Variants in LSAMP observed in about 807,000 individuals in gnomAD.
LSAMP encodes the protein limbic system associated membrane protein.
Under a neutral mutation model 38.6 loss-of-function variants are expected in LSAMP, and 7 were observed. The observed-to-expected ratio is 0.18, with a 90% confidence interval of 0.10 to 0.34. The LOEUF (loss-of-function observed/expected upper bound fraction) is 0.34. LSAMP is among the 10% of genes least tolerant of loss of function. The probability of loss-of-function intolerance (pLI) is 1.00; values close to 1 mark genes in which losing one functional copy is unlikely to be tolerated. For synonymous variants in LSAMP, 154 were observed against 166.8 expected, an observed-to-expected ratio of 0.92 and a Z score of 0.59; for missense variants, 313 against 420.0, an observed-to-expected ratio of 0.75 and a Z score of 2.23.
In LSAMP at chr3:116,241,208, A is replaced by AT. The variant is rs369541950; in HGVS notation, c.156-154653dup. ...AAAAAAAAAACTTGCAGATATTCCC[A>AT]TTTTTTTTTTCTCTTTTGCTTCCTG... On this transcript the variant is annotated intron_variant, in intron 1 of 6. Transcript: ENST00000490035. Among the ~76,000 whole-genome samples the AT allele has an allele frequency of 1.4e-3, 205 of 143,184 alleles. 1 individual carries two copies. Among genetic ancestry groups the AT allele is most frequent in the African/African-American group, 4.0e-3 (155 of 38,884 alleles). The allele number at this position is 143,184 out of a possible 152,430, so 93.9% of individuals were successfully genotyped here.
intron 3 of LSAMP, among the ~76,000 whole-genome samples, chr3:116,004,784 T>C (rs1405950049): frequency 2.0e-5 from 3 of 152,100 alleles, no homozygotes; most frequent in African/African-American, 7.2e-5. Flanking sequence ...TTTGCTCTTC[T>C]GATAAAACCC....
At chr3:116,233,814 A>G (rs1335050746) in intron 1 of LSAMP, among the ~76,000 whole-genome samples, 1 of 152,170 alleles carries the variant, frequency 6.6e-6, no homozygotes, top group Admixed American at 6.5e-5. Flanking sequence ...GGAATTATTG[A>G]TATCCTGTGA....
At chr3:115,812,860 A>G (rs1303115289) in intron 6 of LSAMP, among the ~76,000 whole-genome samples, 1 of 152,178 alleles carries the variant, frequency 6.6e-6, no homozygotes, top group African/African-American at 2.4e-5. Flanking sequence ...GAAGGTTAAG[A>G]CTAGTCTTAT....
At chr3:116,193,965 G>A (rs894804438) in intron 1 of LSAMP, among the ~76,000 whole-genome samples, 1 of 152,156 alleles carries the variant, frequency 6.6e-6, no homozygotes, top group African/African-American at 2.4e-5. Context: ...TGTGCACAGT[G>A]TTTGCTAAGT....
intron 1 of LSAMP, among the ~76,000 whole-genome samples, chr3:116,166,935 C>T (rs569288224): frequency 5.9e-5 from 9 of 151,708 alleles, no homozygotes; most frequent in East Asian, 5.8e-4. Context: ...GGACTACAGG[C>T]GCCCGCCACC....
intron 1 of LSAMP, among the ~76,000 whole-genome samples, chr3:116,347,367 G>C (rs907041818): frequency 1.3e-5 from 2 of 152,050 alleles, no homozygotes; most frequent in Admixed American, 6.6e-5. Flanking sequence ...AACAAATATT[G>C]GCTCTCACCA....
intron 1 of LSAMP, among the ~76,000 whole-genome samples, chr3:116,372,252 C>CA (rs1225185059): frequency 6.6e-6 from 1 of 151,892 alleles, no homozygotes; most frequent in Non-Finnish European, 1.5e-5. Flanking sequence ...TACAGAGCCC[C>CA]AAAATAAAGC....
In LSAMP at chr3:116,438,825, C is replaced by T. The variant is rs1352414131; in HGVS notation, c.155+6052G>A. On this transcript the variant is annotated intron_variant, in intron 1 of 6. Transcript: ENST00000490035. The stretch of plus-strand genomic sequence containing the variant: ...CTGATCCATATTAAATAAAGTCACC[C>T]CATTTTCCATGGCTCATAAGGATGA... 3.3e-5 allele frequency among the ~76,000 whole-genome samples: 5 copies of T among 152,148 alleles called. No individual in the cohort carries two copies. In the East Asian group the frequency reaches 5.8e-4, roughly 18 times the overall value.
At position 115,967,785 on chromosome 3, in the gene LSAMP, G is replaced by C. The variant is rs181016868; in HGVS notation, c.514+51730C>G. Among the ~76,000 whole-genome samples, 33 of 152,118 alleles carry C rather than the reference G, an allele frequency of 2.2e-4. 1 individual carries two copies. The highest frequency in any genetic ancestry group is 2.1e-3 in the Admixed American group (32 of 15,288). Reference sequence around the variant, plus strand: ...TTTTTAAAACCATTAGATCTCATGAGACTCACTCACTATCACGAGAACAGC... The same window carrying C: ...TTTTTAAAACCATTAGATCTCATGACACTCACTCACTATCACGAGAACAGC... On this transcript the variant is annotated intron_variant, in intron 3 of 6. Coordinates refer to ENST00000490035, the MANE Select transcript of LSAMP (RefSeq NM_002338.5).
chr3:115,936,448 T>C (rs1310440987), intron 3 of LSAMP, among the ~76,000 whole-genome samples: 1 of 152,192 alleles, frequency 6.6e-6, no homozygotes, highest in Non-Finnish European at 1.5e-5. Context: ...TAATCCATTC[T>C]GAAAATGCAG....
intron 3 of LSAMP, among the ~76,000 whole-genome samples, chr3:115,970,350 A>G (rs1938974445): frequency 6.6e-6 from 1 of 152,218 alleles, no homozygotes; most frequent in South Asian, 2.1e-4. Context: ...CAAGCCTTTC[A>G]TCCAGAAAAC....
chr3:116,155,137 C>A (rs1386938883), intron 1 of LSAMP, among the ~76,000 whole-genome samples: 4 of 152,098 alleles, frequency 2.6e-5, no homozygotes, highest in African/African-American at 9.6e-5. Flanking sequence ...TAGTTATAAT[C>A]ATTTATTTCT....
rs62271069 is a variant in LSAMP, at chr3:115,839,278, C to T, written c.919+2567G>A. On this transcript the variant is annotated intron_variant, in intron 6 of 6. Coordinates refer to ENST00000490035, the MANE Select transcript of LSAMP (RefSeq NM_002338.5). ...CCTTCTTTCTTTCCTTCCTTCCTTC[C>T]TTCCTTCCTTCCTTCCTTCCTTCCT... Among the ~76,000 whole-genome samples, 161 of 121,718 alleles carry T rather than the reference C, an allele frequency of 1.3e-3. 4 individuals are homozygous for T. The highest frequency in any genetic ancestry group is 4.8e-3 in the African/African-American group (140 of 29,460). The allele number at this position is 121,718 out of a possible 152,430, so 79.9% of individuals were successfully genotyped here.
chr3:116,056,406 A>T (rs1463064565), intron 2 of LSAMP, among the ~76,000 whole-genome samples: 1 of 152,190 alleles, frequency 6.6e-6, no homozygotes, highest in Non-Finnish European at 1.5e-5. Context: ...AATCTGGTAC[A>T]GACCTACCTA....
At chr3:115,822,617 C>T (rs1336957494) in intron 6 of LSAMP, among the ~76,000 whole-genome samples, 1 of 152,144 alleles carries the variant, frequency 6.6e-6, no homozygotes, top group African/African-American at 2.4e-5. Context: ...GCCTTGGCCT[C>T]CCAAAGAGCT....
chr3:115,941,021 T>C (rs1468743593), intron 3 of LSAMP, among the ~76,000 whole-genome samples: 1 of 152,106 alleles, frequency 6.6e-6, no homozygotes, highest in African/African-American at 2.4e-5. Flanking sequence ...AAAATATTTG[T>C]AAACTATATA....
chr3:116,329,478 A>G (rs1445719590), intron 1 of LSAMP, among the ~76,000 whole-genome samples: 1 of 152,184 alleles, frequency 6.6e-6, no homozygotes, highest in African/African-American at 2.4e-5. Flanking sequence ...AGAAAAATAC[A>G]TTTTAATAAA....
intron 1 of LSAMP, among the ~76,000 whole-genome samples, chr3:116,262,625 CAG>C (rs1265461910): frequency 6.6e-6 from 1 of 152,120 alleles, no homozygotes; most frequent in Non-Finnish European, 1.5e-5. Flanking sequence ...GTACGTGAAA[CAG>C]AGCCTCTAAA....
chr3:116,257,429 T>G (rs937976912), intron 1 of LSAMP, among the ~76,000 whole-genome samples: 18 of 152,130 alleles, frequency 1.2e-4, no homozygotes, highest in Non-Finnish European at 2.5e-4. Flanking sequence ...TTAACATTGT[T>G]TGGATAGTTT....
Sources: gnomAD v4.1 joint callset for allele counts (sites outside exome capture counted in the v4.1 genomes callset) on GRCh38, gnomAD v4.1.1 for gene constraint, MANE v1.5 for transcripts, NCBI Gene and HGNC (gene_info 2026-07-23, HGNC 2026-07-21) for gene names.